Variants in DPP10 observed in about 807,000 individuals in gnomAD.
DPP10 encodes dipeptidyl peptidase like 10, also known as inactive dipeptidyl peptidase 10.
DPP10 carries 33 observed loss-of-function variants against 120.9 expected under a neutral mutation model. The ratio of observed to expected loss-of-function variants is 0.27; its 90% CI spans 0.21 to 0.37. The LOEUF (loss-of-function observed/expected upper bound fraction) is 0.37, where lower values mean the gene tolerates loss of function less well. Ranked by LOEUF, DPP10 falls within the 10% of genes least tolerant of loss-of-function variation. The pLI is 1.00. For synonymous variants in DPP10, 337 were observed against 326.1 expected (o/e 1.03, Z -0.36); for missense variants, 816 against 942.8 (o/e 0.87, Z 1.76).
At chr2:114,666,470 A>T (rs1205155979) in intron 1 of DPP10, among the ~76,000 whole-genome samples, 1 of 152,224 alleles carries the variant, frequency 6.6e-6, no homozygotes, top group Non-Finnish European at 1.5e-5. Flanking sequence ...GAAGACCTAG[A>T]CCTATTAGTA....
chr2:115,613,743 C>T lies in DPP10; in HGVS notation c.442-75944C>T, dbSNP rs149615015. Among the ~76,000 whole-genome samples the T allele has an allele frequency of 8.7e-3, 1,326 of 152,266 alleles. 13 individuals are homozygous for T. Among genetic ancestry groups the T allele is most frequent in the African/African-American group, 0.027 (1,137 of 41,542 alleles). On this transcript the variant is annotated intron_variant, in intron 5 of 25. Transcript: ENST00000410059. ...TGTCTCAGTTCATGTTCCAGCAAAA[C>T]GCAGACTCTAAGGTATGGATTTCAG...
At chr2:115,194,232 T>G (rs2055088701) in intron 1 of DPP10, among the ~76,000 whole-genome samples, 1 of 151,204 alleles carries the variant, frequency 6.6e-6, no homozygotes, top group Non-Finnish European at 1.5e-5. Flanking sequence ...AGTTTGTTGT[T>G]TTTTTTTTTG....
chr2:114,845,074 C>T (rs1044033166), intron 1 of DPP10, among the ~76,000 whole-genome samples: 14 of 152,084 alleles, frequency 9.2e-5, no homozygotes, highest in Non-Finnish European at 1.5e-4. Context: ...ATGATTCCAA[C>T]GCTAGCGCCC....
At chr2:115,059,502 G>T (rs543241956) in intron 1 of DPP10, among the ~76,000 whole-genome samples, 1 of 151,988 alleles carries the variant, frequency 6.6e-6, no homozygotes, top group East Asian at 1.9e-4. Flanking sequence ...GTAGACACAT[G>T]GTATGCTGTT....
intron 1 of DPP10, among the ~76,000 whole-genome samples, chr2:114,747,903 C>G (rs71418515): frequency 0.053 from 8,077 of 152,162 alleles, 290 homozygotes; most frequent in South Asian, 0.099. Flanking sequence ...GTGCTCTAAA[C>G]CAGTGCCACT....
At chr2:115,239,607 CT>C (rs898654887) in intron 1 of DPP10, among the ~76,000 whole-genome samples, 8 of 151,960 alleles carry the variant, frequency 5.3e-5, no homozygotes, top group African/African-American at 1.2e-4. Flanking sequence ...ATAAACATAA[CT>C]TTTTTTTATT....
chr2:114,451,093 GA>G (rs1043883074), intron 1 of DPP10, among the ~76,000 whole-genome samples: 6 of 147,460 alleles, frequency 4.1e-5, no homozygotes, highest in African/African-American at 1.5e-4. Flanking sequence ...CCCTTTATTT[GA>G]TTTTTTTTTT....
chr2:115,837,848 A>T (rs1386284151), intron 24 of DPP10, among the ~76,000 whole-genome samples: 1 of 152,124 alleles, frequency 6.6e-6, no homozygotes, highest in East Asian at 1.9e-4. Flanking sequence ...AATCAAAAAA[A>T]AAAAAAGTCT....
rs182688178 is a variant in DPP10 at position 114,962,672 on chromosome 2, C to T, written c.61-346567C>T. On this transcript the variant is annotated intron_variant, in intron 1 of 25. Transcript: ENST00000410059. Reference sequence around the variant, plus strand: ...AGAGAAAGAGAATTTAAAGTAACCACGGCCTATCTCAGCTTGCTGGAGATA... The same window carrying T: ...AGAGAAAGAGAATTTAAAGTAACCATGGCCTATCTCAGCTTGCTGGAGATA... 9.9e-5 allele frequency among the ~76,000 whole-genome samples: 15 copies of T among 152,282 alleles called. No homozygotes were observed. In the East Asian group the frequency reaches 1.2e-3, roughly 12 times the overall value.
chr2:115,082,137 C>G (rs1434494041), intron 1 of DPP10, among the ~76,000 whole-genome samples: 1 of 152,146 alleles, frequency 6.6e-6, no homozygotes, highest in Non-Finnish European at 1.5e-5. Context: ...TCCCTGTAAG[C>G]AGACCCTCCC....
intron 1 of DPP10, among the ~76,000 whole-genome samples, chr2:114,611,943 T>C (rs930959816): frequency 6.6e-6 from 1 of 152,174 alleles, no homozygotes; most frequent in East Asian, 1.9e-4. Flanking sequence ...CTTTGCTTAT[T>C]TTTCTAATTT....
intron 24 of DPP10, among the ~76,000 whole-genome samples, chr2:115,839,951 A>G (rs909274579): frequency 1.3e-5 from 2 of 152,080 alleles, no homozygotes; most frequent in African/African-American, 4.8e-5. Context: ...TGTGTATTCT[A>G]TTTTCTCAGT....
chr2:115,240,713 T>TA (rs1421273226), intron 1 of DPP10, among the ~76,000 whole-genome samples: 2 of 152,218 alleles, frequency 1.3e-5, no homozygotes, highest in African/African-American at 4.8e-5. Context: ...ATTGGGGTGA[T>TA]ATGGAGTCGA....
intron 1 of DPP10, among the ~76,000 whole-genome samples, chr2:114,643,287 C>A (rs1170611164): frequency 2.0e-5 from 3 of 151,866 alleles, no homozygotes; most frequent in Non-Finnish European, 4.4e-5. Context: ...GGAGGGCACT[C>A]CAGGCAGCAA....
chr2:114,570,137 C>T (rs1032216395), intron 1 of DPP10, among the ~76,000 whole-genome samples: 2 of 152,170 alleles, frequency 1.3e-5, no homozygotes, highest in African/African-American at 2.4e-5. Flanking sequence ...ACTTCAAGTC[C>T]TCCTCAAGGC....
chr2:114,799,012 C>T (rs745619745), intron 1 of DPP10, among the ~76,000 whole-genome samples: 1 of 151,950 alleles, frequency 6.6e-6, no homozygotes, highest in Non-Finnish European at 1.5e-5. Flanking sequence ...ACCTACAATC[C>T]CAGCTAATCG....
intron 5 of DPP10, among the ~76,000 whole-genome samples, chr2:115,527,301 A>C (rs1460128146): frequency 6.6e-6 from 1 of 152,098 alleles, no homozygotes; most frequent in East Asian, 1.9e-4. Flanking sequence ...TAGTGCCAGA[A>C]CAATCAGATA....
At chr2:115,421,159 C>G (rs1012703716) in intron 3 of DPP10, among the ~76,000 whole-genome samples, 6 of 151,598 alleles carry the variant, frequency 4.0e-5, no homozygotes, top group Non-Finnish European at 5.9e-5. Context: ...TATTAAATCT[C>G]TACCATATGT....
At chr2:115,094,637 G>T (rs953489208) in intron 1 of DPP10, among the ~76,000 whole-genome samples, 2 of 152,098 alleles carry the variant, frequency 1.3e-5, no homozygotes, top group Admixed American at 1.3e-4. Flanking sequence ...AGCTCCATGA[G>T]TATTTACCGA....
Sources: allele counts gnomAD v4.1 joint callset (sites outside exome capture counted in the v4.1 genomes callset), GRCh38; gene constraint gnomAD v4.1.1; transcripts MANE v1.5; gene names NCBI Gene and HGNC (gene_info 2026-07-23, HGNC 2026-07-21).